The following STK40 variants were observed in gnomAD, a reference collection of about 807,000 sequenced individuals.
STK40 encodes the protein serine/threonine-protein kinase 40.
STK40 carries 13 observed loss-of-function variants against 47.9 expected under a neutral mutation model. That is an observed-to-expected ratio of 0.27 (90% CI 0.18 to 0.43). The LOEUF is 0.43. STK40 is among the 20% of genes least tolerant of loss of function. The pLI is 1.00. For synonymous variants in STK40, 225 were observed against 243.2 expected, an observed-to-expected ratio of 0.93 and a Z score of 0.69; for missense variants, 460 against 595.1, an observed-to-expected ratio of 0.77 and a Z score of 2.36.
intron 7 of STK40, among the ~76,000 whole-genome samples, 174 bp from the exon 8 acceptor site, chr1:36,344,438 C>T (rs1455680029): frequency 1.3e-5 from 2 of 152,170 alleles, no homozygotes. Context: ...ATGCACCTCT[C>T]CTGCCCCAAG....
chr1:36,344,088 G>GCCC lies in STK40; in HGVS notation c.884+29_884+31dup. On this transcript the variant is annotated intron_variant, in intron 8 of 10. Coordinates refer to ENST00000373132, the MANE Select transcript of STK40 (RefSeq NM_001282547.2). Reference sequence around the variant, plus strand: ...CTGCCTTAAGCCCATCAGGCTGGCTGCCCCCCCCACCCCCCGGGAGGCAGG... The same window carrying GCCC: ...CTGCCTTAAGCCCATCAGGCTGGCTGCCCCCCCCCCCACCCCCCGGGAGGCAGG... 1.9e-6 allele frequency: 3 copies of GCCC among 1,575,854 alleles called. 1 individual carries two copies. The highest frequency in any genetic ancestry group is 8.6e-7 in the Non-Finnish European group (1 of 1,157,508).
chr1:36,353,042 A>G (rs961787543), intron 6 of STK40, among the ~76,000 whole-genome samples: 11 of 152,208 alleles, frequency 7.2e-5, no homozygotes, highest in Non-Finnish European at 1.0e-4. Context: ...ACCTCCAGGC[A>G]GCTTCTTTTC....
intron 1 of STK40, among the ~76,000 whole-genome samples, chr1:36,378,339 T>C (rs1171528366): frequency 6.6e-6 from 1 of 152,202 alleles, no homozygotes; most frequent in African/African-American, 2.4e-5. Context: ...TGTGTAATAG[T>C]AGACAGTCTT....
At chr1:36,342,970 G>C (rs1280864789) in intron 10 of STK40, 3 of 580,560 alleles carry the variant, frequency 5.2e-6, no homozygotes, top group Non-Finnish European at 9.2e-6. Context: ...CCAGTGCAGG[G>C]AATGGGGAGG....
At chr1:36,355,471 A>G (rs1379426904) in intron 4 of STK40, 38 bp from the exon 5 acceptor site, 2 of 1,608,582 alleles carry the variant, frequency 1.2e-6, no homozygotes, top group Non-Finnish European at 1.7e-6. Flanking sequence ...TTGGCTGTGA[A>G]CTTGGCAGGG....
intron 1 of STK40, among the ~76,000 whole-genome samples, chr1:36,366,366 C>G (rs540261293): frequency 4.6e-5 from 7 of 152,274 alleles, no homozygotes; most frequent in Middle Eastern, 3.4e-3. Flanking sequence ...GAAAAAGATG[C>G]TTGTGGGGGA....
chr1:36,362,277 G>A (rs1422169879), intron 1 of STK40, among the ~76,000 whole-genome samples: 3 of 152,176 alleles, frequency 2.0e-5, no homozygotes, highest in Non-Finnish European at 4.4e-5. Flanking sequence ...GATCCGGGGG[G>A]GACAAGGAAA....
chr1:36,374,037 C>CT, intron 1 of STK40, among the ~76,000 whole-genome samples: 1 of 152,384 alleles, frequency 6.6e-6, no homozygotes, highest in South Asian at 2.1e-4. Flanking sequence ...AGCACATCCT[C>CT]TGCCACCGCT....
At chr1:36,369,135 C>T (rs1646924454) in intron 1 of STK40, among the ~76,000 whole-genome samples, 1 of 152,198 alleles carries the variant, frequency 6.6e-6, no homozygotes, top group South Asian at 2.1e-4. Context: ...CCCCTCTCTT[C>T]AACACTGTGC....
At chr1:36,354,059 C>A (rs1646781549) in intron 6 of STK40, among the ~76,000 whole-genome samples, 2 of 152,198 alleles carry the variant, frequency 1.3e-5, no homozygotes, top group African/African-American at 4.8e-5. Context: ...GCCACCGCAC[C>A]TGACCATTTA....
chr1:36,358,269 A>G lies in STK40; in HGVS notation c.312T>C (p.Asp104=). 1 of 1,599,778 alleles carries G rather than the reference A, an allele frequency of 6.3e-7. No homozygotes were observed. Among genetic ancestry groups the G allele is most frequent in the East Asian group, 2.3e-5 (1 of 44,396 alleles). ...AGAGGCCGTGGTGGTGCACCACGCC[A>G]TCCTGCGTGTGCAGGAGAGACAGCA... ...YSLLSLLHTQ[D]GVVHHHGLFQ... The change falls in exon 4 of 11, where the codon GAT becomes GAC. Residue 104 remains aspartate, a synonymous_variant. Coordinates refer to ENST00000373132, the MANE Select transcript of STK40 (RefSeq NM_001282547.2).
chr1:36,356,423 T>TTTC, intron 4 of STK40, among the ~76,000 whole-genome samples: 1 of 125,870 alleles, frequency 7.9e-6, no homozygotes, highest in Non-Finnish European at 1.6e-5. Flanking sequence ...TTTTTCTTTT[T>TTTC]TTTTTTTTTT....
At chr1:36,354,565 G>A in intron 5 of STK40, 149 bp from the exon 6 acceptor site, 3 of 791,132 alleles carry the variant, frequency 3.8e-6, no homozygotes, top group South Asian at 1.5e-5. Context: ...GGCAGATCAG[G>A]ACAGTTCTAA....
At chr1:36,366,621 G>A (rs1452131583) in intron 1 of STK40, among the ~76,000 whole-genome samples, 12 of 152,052 alleles carry the variant, frequency 7.9e-5, no homozygotes, top group Non-Finnish European at 1.5e-5. Context: ...CTCCTCTAGA[G>A]GGCCTGCTCA....
At chr1:36,355,171 T>C in intron 5 of STK40, 35 bp downstream of exon 5, 1 of 1,604,498 alleles carries the variant, frequency 6.2e-7, no homozygotes, top group Non-Finnish European at 8.5e-7. Flanking sequence ...TGGCTTTCTG[T>C]GGCCAGAAGG....
intron 2 of STK40, among the ~76,000 whole-genome samples, chr1:36,360,819 A>G (rs569548960): frequency 3.3e-5 from 5 of 152,334 alleles, no homozygotes; most frequent in African/African-American, 7.2e-5. Flanking sequence ...CTGGGATTAC[A>G]TAAGTGAGCT....
chr1:36,348,936 C>T (rs1041307041), intron 6 of STK40, 121 bp from the exon 7 acceptor site: 8 of 838,308 alleles, frequency 9.5e-6, no homozygotes, highest in South Asian at 1.5e-5. Flanking sequence ...GTAGGCTTCT[C>T]GTCAGAGGGT....
intron 7 of STK40, among the ~76,000 whole-genome samples, chr1:36,346,999 C>G (rs1009581428): frequency 1.3e-5 from 2 of 152,206 alleles, no homozygotes; most frequent in African/African-American, 4.8e-5. Context: ...GGGTATACCC[C>G]TGGCACCCAG....
At chr1:36,363,051 T>C (rs1230508256) in intron 1 of STK40, among the ~76,000 whole-genome samples, 1 of 152,098 alleles carries the variant, frequency 6.6e-6, no homozygotes, top group African/African-American at 2.4e-5. Flanking sequence ...ACCTACTTGG[T>C]GGCTGAGGCA....
Sources: gnomAD v4.1 joint callset for allele counts (sites outside exome capture counted in the v4.1 genomes callset) on GRCh38, gnomAD v4.1.1 for gene constraint, MANE v1.5 for transcripts, NCBI Gene and HGNC (gene_info 2026-07-23, HGNC 2026-07-21) for gene names.